The following GH1 variants were observed in gnomAD, a reference collection of about 807,000 sequenced individuals.
GH1 encodes somatotropin.
A neutral mutation model predicts 24.5 loss-of-function variants in GH1; 13 were observed. That is an observed-to-expected ratio of 0.53 (90% CI 0.35 to 0.85). The LOEUF (loss-of-function observed/expected upper bound fraction) is 0.85, where lower values mean the gene tolerates loss of function less well. GH1 is among the 40% of genes least tolerant of loss of function. The probability of loss-of-function intolerance (pLI) is 0.01; values close to 1 mark genes in which losing one functional copy is unlikely to be tolerated. For synonymous variants in GH1, 126 were observed against 116.3 expected (o/e 1.08, Z -0.54); for missense variants, 294 against 273.2 (o/e 1.08, Z -0.54).
In GH1 at chr17:63,917,746, G is replaced by A. The variant is rs1288428111; in HGVS notation, c.456+14C>T. ...TGGGGCTCCAGGATTGGGGACCCCTGGCGCCACCCTCACCCCCATCAGCGT... is the reference window on the plus strand; with the variant it reads ...TGGGGCTCCAGGATTGGGGACCCCTAGCGCCACCCTCACCCCCATCAGCGT... On this transcript the variant is annotated intron_variant, in intron 4 of 4. Transcript: ENST00000323322. 6.2e-7 allele frequency: 1 copy of A among 1,614,166 alleles called. No individual in the cohort carries two copies. Among genetic ancestry groups the A allele is most frequent in the Non-Finnish European group, 8.5e-7 (1 of 1,180,016 alleles).
At position 63,917,786 on chromosome 17, in the gene GH1, C is replaced by G; in HGVS notation, c.430G>C (p.Glu144Gln). The change falls in exon 4 of 5, where the codon GAG (glutamate) becomes CAG (glutamine). Residue 144 changes from glutamate to glutamine, a missense_variant. Transcript: ENST00000323322. ...SNVYDLLKDL[E>Q]EGIQTLMGRL... ...CCCATCAGCGTTTGGATGCCTTCCT[C>G]TAGGTCCTTTAGGAGGTCATAGACG... 6.2e-7 allele frequency: 1 copy of G among 1,614,212 alleles called. No homozygotes were observed. The highest frequency in any genetic ancestry group is 8.5e-7 in the Non-Finnish European group (1 of 1,180,038).
rs779374598 is a variant in GH1, at chr17:63,918,402, C to T, written c.115G>A (p.Ala39Thr). The T allele has an allele frequency of 6.8e-5, 110 of 1,614,128 alleles. 2 individuals are homozygous for T. In the South Asian group the frequency reaches 1.1e-3, roughly 17 times the overall value. ...TGCAGACGATGGGCGCGGAGCATAG[C>T]GTTGTCAAAAAGCCTGGATAAGGGA... ...TIPLSRLFDNAMLRAHRLHQL... is the reference protein window; with the variant it reads ...TIPLSRLFDNTMLRAHRLHQL... Residue 39 changes from alanine to threonine, a missense_variant, in exon 2 of 5, where the codon GCT becomes ACT. Physicochemically the swap from Ala to Thr is moderately conservative, Grantham distance 58 (BLOSUM62 0). Coordinates refer to ENST00000323322, the MANE Select transcript of GH1 (RefSeq NM_000515.5).
In GH1 at chr17:63,917,271, G is replaced by C; in HGVS notation, c.*38C>G. On this transcript the variant is annotated 3_prime_UTR_variant, in exon 5 of 5. Transcript: ENST00000323322. Reference sequence around the variant, plus strand: ...AGTGGCAACTTCCAGGGCCAGGAGAGGCACTGGGGAGGGGTCACAGGGATG... The same window carrying C: ...AGTGGCAACTTCCAGGGCCAGGAGACGCACTGGGGAGGGGTCACAGGGATG... The C allele has an allele frequency of 6.2e-7, 1 of 1,613,908 alleles. No homozygotes were observed. The highest frequency in any genetic ancestry group is 8.5e-7 in the Non-Finnish European group (1 of 1,179,826).
chr17:63,917,517 A>G lies in GH1; in HGVS notation c.457-11T>C, dbSNP rs771495094. 6.2e-7 allele frequency: 1 copy of G among 1,613,880 alleles called. No homozygotes were observed. Among genetic ancestry groups the G allele is most frequent in the Non-Finnish European group, 8.5e-7 (1 of 1,179,842 alleles). ...GCCATCTTCCAGCCTCTGCAAAGTG[A>G]AGGAAGAGAAGGAGAGGCCAAGCGC... On this transcript the variant is annotated splice_polypyrimidine_tract_variant and intron_variant, in intron 4 of 4. Coordinates refer to ENST00000323322, the MANE Select transcript of GH1 (RefSeq NM_000515.5).
chr17:63,917,715 A>T, intron 4 of GH1, 45 bp downstream of exon 4: 2 of 1,614,220 alleles, frequency 1.2e-6, no homozygotes, highest in Non-Finnish European at 1.7e-6. Flanking sequence ...CAGCTCTCAA[A>T]GTCAGTGGGG....
chr17:63,918,632 C>T, intron 1 of GH1, 126 bp from the exon 2 acceptor site: 1 of 1,609,542 alleles, frequency 6.2e-7, no homozygotes. Context: ...TGAGATTGGC[C>T]AAATACTGGG....
chr17:63,917,238 G>T lies in GH1; in HGVS notation c.*71C>A, dbSNP rs1907367635. On this transcript the variant is annotated 3_prime_UTR_variant, in exon 5 of 5. Coordinates refer to ENST00000323322, the MANE Select transcript of GH1 (RefSeq NM_000515.5). ...TAATTTTATTAGGACAAGGCTGGTG[G>T]GCACTGGAGTGGCAACTTCCAGGGC... 1 of 1,609,568 alleles carries T rather than the reference G, an allele frequency of 6.2e-7. No homozygotes were observed. The highest frequency in any genetic ancestry group is 1.3e-5 in the African/African-American group (1 of 74,938).
chr17:63,917,960 G>A (rs757586741), intron 3 of GH1, 36 bp from the exon 4 acceptor site: 3 of 1,614,126 alleles, frequency 1.9e-6, no homozygotes, highest in Non-Finnish European at 1.7e-6. Context: ...TGTGCTGCCC[G>A]GGGGCTCTGA....
chr17:63,917,826 G>GC lies in GH1; in HGVS notation c.389dup (p.Ala131ArgfsTer3). 1.2e-6 allele frequency: 2 copies of GC among 1,614,132 alleles called. No individual in the cohort carries two copies. Among genetic ancestry groups the GC allele is most frequent in the Non-Finnish European group, 1.7e-6 (2 of 1,180,036 alleles). On this transcript the variant is annotated frameshift_variant, in exon 4 of 5. Transcript: ENST00000323322. LOFTEE classifies it high-confidence loss of function. ...GGTCATAGACGTTGCTGTCAGAGGC[G>GC]CCGTACACCAGGCTGTTGGCGAAGA...
At chr17:63,918,232 AT>A (rs1907488064) in intron 2 of GH1, 96 bp from the exon 3 acceptor site, 17 of 1,612,376 alleles carry the variant, frequency 1.1e-5, no homozygotes, top group Middle Eastern at 1.7e-4. Context: ...ATCTGCCTGC[AT>A]TTTCGCTTCG....
chr17:63,917,705 C>A, intron 4 of GH1, 55 bp downstream of exon 4: 1 of 1,614,186 alleles, frequency 6.2e-7, no homozygotes, highest in Non-Finnish European at 8.5e-7. Flanking sequence ...TTCTCTAACA[C>A]AGCTCTCAAA....
Position 63,917,883 on chromosome 17 carries a change from C to G in GH1, c.333G>C (p.Ser111=), listed in dbSNP as rs71640278. The G allele has an allele frequency of 3.7e-5, 59 of 1,614,188 alleles. No homozygotes were observed. Among genetic ancestry groups the G allele is most frequent in the Non-Finnish European group, 4.9e-5 (58 of 1,180,038 alleles). Residue 111 remains serine (S), a synonymous_variant, in exon 4 of 5, where the codon TCG becomes TCC. Coordinates refer to ENST00000323322, the MANE Select transcript of GH1 (RefSeq NM_000515.5). The stretch of plus-strand genomic sequence containing the variant: ...TGAGGAACTGCACGGGCTCCAGCCA[C>G]GACTGGATGAGCAGCAGGGAGATGC... ...LLRISLLLIQ[S]WLEPVQFLRS...
rs1231133939 is a variant in GH1 at position 63,917,895 on chromosome 17, C to T, written c.321G>A (p.Leu107=). Residue 107 remains leucine (L), a synonymous_variant, in exon 4 of 5, where the codon CTG becomes CTA. Coordinates refer to ENST00000323322, the MANE Select transcript of GH1 (RefSeq NM_000515.5). ...SNLELLRISL[L]LIQSWLEPVQ... is the part of the protein sequence containing the mutation. ...CGGGCTCCAGCCACGACTGGATGAG[C>T]AGCAGGGAGATGCGGAGCAGCTCTA... 3 of 1,614,072 alleles carry T rather than the reference C, an allele frequency of 1.9e-6. No individual in the cohort carries two copies. Among genetic ancestry groups the T allele is most frequent in the Non-Finnish European group, 1.7e-6 (2 of 1,180,032 alleles).
At chr17:63,918,678 C>T (rs1567803995) in intron 1 of GH1, 89 bp downstream of exon 1, 20 of 1,611,868 alleles carry the variant, frequency 1.2e-5, no homozygotes, top group Admixed American at 3.3e-5. Context: ...AAGCCCCAAA[C>T]CTGAGGGTTA....
intron 1 of GH1, 27 bp from the exon 2 acceptor site, chr17:63,918,533 G>A: frequency 6.2e-7 from 1 of 1,613,526 alleles, no homozygotes; most frequent in Non-Finnish European, 8.5e-7. Context: ...GGGCAACAGA[G>A]GGAGCCGGAG....
At position 63,918,812 on chromosome 17, in the gene GH1, G is replaced by A. The variant is rs751274337; in HGVS notation, c.-36C>T. On this transcript the variant is annotated 5_prime_UTR_variant, in exon 1 of 5. Coordinates refer to ENST00000323322, the MANE Select transcript of GH1 (RefSeq NM_000515.5). ...TGAGCTGTCCACAGGACCCTGAGTG[G>A]TTCGGGGAGTTGGGCCTTGGGATCC... is the stretch of plus-strand genomic sequence containing the variant. 2 of 1,613,962 alleles carry A rather than the reference G, an allele frequency of 1.2e-6. No homozygotes were observed. The highest frequency in any genetic ancestry group is 1.7e-6 in the Non-Finnish European group (2 of 1,179,846).
intron 1 of GH1, 78 bp from the exon 2 acceptor site, chr17:63,918,584 T>C: frequency 6.2e-7 from 1 of 1,611,314 alleles, no homozygotes; most frequent in South Asian, 1.1e-5. Flanking sequence ...GAGCTGTTTG[T>C]TTTTCTCTCT....
intron 2 of GH1, 33 bp downstream of exon 2, chr17:63,918,313 C>A: frequency 1.2e-6 from 2 of 1,613,812 alleles, no homozygotes. Context: ...CTTCCTGCCA[C>A]CCCTGATGCG....
chr17:63,918,500 C>A lies in GH1; in HGVS notation c.17G>T (p.Arg6Leu), dbSNP rs376469157. ...GCCAAAAGCCAGGAGCAGGGACGTC[C>A]GGGAGCCTGGGGAGAAACCAGAGGG... MATGS[R>L]TSLLLAFGLL... The change falls in exon 2 of 5, where the codon CGG becomes CTG. Residue 6 changes from arginine (R) to leucine (L), a missense_variant. Physicochemically the swap from Arg to Leu is moderately radical, Grantham distance 102 (BLOSUM62 -2). Coordinates refer to ENST00000323322, the MANE Select transcript of GH1 (RefSeq NM_000515.5). 7 of 1,613,948 alleles carry A rather than the reference C, an allele frequency of 4.3e-6. No individual in the cohort carries two copies. The highest frequency in any genetic ancestry group is 2.7e-5 in the African/African-American group (2 of 75,004).
Sources: allele counts gnomAD v4.1 joint callset, GRCh38; gene constraint gnomAD v4.1.1; transcripts MANE v1.5; gene names NCBI Gene and HGNC (gene_info 2026-07-23, HGNC 2026-07-21).